Variants in NFIB observed in about 807,000 individuals in gnomAD.
The protein encoded by NFIB is nuclear factor I B, also known as nuclear factor 1 B-type.
NFIB carries 11 observed loss-of-function variants against 61.5 expected under a neutral mutation model. That is an observed-to-expected ratio of 0.18 (90% CI 0.11 to 0.30). The LOEUF (loss-of-function observed/expected upper bound fraction) is 0.30, where lower values mean the gene tolerates loss of function less well. NFIB is among the 10% of genes least tolerant of loss of function. The pLI is 1.00. For synonymous variants in NFIB, 260 were observed against 216.5 expected, an observed-to-expected ratio of 1.20 and a Z score of -1.76; for missense variants, 471 against 608.9, an observed-to-expected ratio of 0.77 and a Z score of 2.38.
rs73645011 is a variant in NFIB, at chr9:14,207,729, A to G, written c.563-27949T>C. Among the ~76,000 whole-genome samples the G allele has an allele frequency of 2.6e-3, 389 of 152,238 alleles. 1 individual carries two copies. The highest frequency in any genetic ancestry group is 3.4e-3 in the Middle Eastern group (1 of 294). On this transcript the variant is annotated intron_variant, in intron 2 of 10. Transcript: ENST00000380953. ...CGTAAATGAGAGTCTAATTTCTCCC[A>G]CGTGTCATTTTTCACATGAATGTTA...
At chr9:14,464,923 A>C in the NFIB span, among the ~76,000 whole-genome samples, 2 of 152,234 alleles carry the variant, frequency 1.3e-5, no homozygotes, top group African/African-American at 4.8e-5. Flanking sequence ...AATGTGACAC[A>C]GTACCTGTCA....
chr9:14,161,256 A>T (rs1165066605), intron 3 of NFIB, among the ~76,000 whole-genome samples: 1 of 152,228 alleles, frequency 6.6e-6, no homozygotes, highest in Non-Finnish European at 1.5e-5. Context: ...AACTGTGATT[A>T]TAAAATAGAA....
At chr9:14,482,283 G>T in the NFIB span, among the ~76,000 whole-genome samples, 1 of 152,052 alleles carries the variant, frequency 6.6e-6, no homozygotes, top group South Asian at 2.1e-4. Flanking sequence ...ACAGTGCCCT[G>T]ACCAAGGGCA....
At chr9:14,426,607 T>C in the NFIB span, among the ~76,000 whole-genome samples, 905 of 152,320 alleles carry the variant, frequency 5.9e-3, 8 homozygotes, top group South Asian at 0.033. Flanking sequence ...TGTAAGTCTT[T>C]ATATTTTTCT....
the NFIB span, among the ~76,000 whole-genome samples, chr9:14,476,369 AGATGATGCCCAACT>A: frequency 2.8e-4 from 43 of 152,206 alleles, no homozygotes; most frequent in East Asian, 7.9e-3. Context: ...TGGGGAGTAC[AGATGATGCCCAACT>A]GAAGCATCTT....
chr9:14,207,512 A>C (rs1204488765), intron 2 of NFIB, among the ~76,000 whole-genome samples: 1 of 152,214 alleles, frequency 6.6e-6, no homozygotes, highest in Non-Finnish European at 1.5e-5. Context: ...CAAATTGAGG[A>C]CTAAGTCAGT....
intron 2 of NFIB, among the ~76,000 whole-genome samples, chr9:14,297,803 A>G (rs1391751574): frequency 6.6e-6 from 1 of 152,236 alleles, no homozygotes; most frequent in East Asian, 1.9e-4. Context: ...TAGGAAAATC[A>G]TGAACTATAA....
intron 10 of NFIB, among the ~76,000 whole-genome samples, chr9:14,112,416 T>A (rs1015938691): frequency 5.3e-5 from 8 of 152,154 alleles, no homozygotes; most frequent in Non-Finnish European, 1.2e-4. Flanking sequence ...ATGTGAAATT[T>A]AAAATGCTAC....
At chr9:14,169,423 T>C (rs1026508241) in intron 3 of NFIB, among the ~76,000 whole-genome samples, 1 of 152,148 alleles carries the variant, frequency 6.6e-6, no homozygotes, top group Non-Finnish European at 1.5e-5. Context: ...AAGAGCAGAA[T>C]GTAAGTCAAA....
At chr9:14,268,063 A>AGGT (rs2057342320) in intron 2 of NFIB, among the ~76,000 whole-genome samples, 2 of 151,096 alleles carry the variant, frequency 1.3e-5, no homozygotes, top group Admixed American at 6.6e-5. Flanking sequence ...TGAACCTGGG[A>AGGT]GGTGGAGGTT....
At chr9:14,360,147 A>G (rs190978660) in intron 1 of NFIB, among the ~76,000 whole-genome samples, 2 of 152,346 alleles carry the variant, frequency 1.3e-5, no homozygotes, top group Admixed American at 6.5e-5. Flanking sequence ...TATAGCAAAC[A>G]GTGAACAACT....
At chr9:14,456,797 C>T in the NFIB span, among the ~76,000 whole-genome samples, 21 of 152,246 alleles carry the variant, frequency 1.4e-4, no homozygotes, top group South Asian at 4.2e-3. Flanking sequence ...GTCAAAAGCA[C>T]CGAAGAACAT....
exon 1 of NFIB, chr9:14,398,646 C>T (rs1264648929): frequency 6.6e-7 from 1 of 1,510,270 alleles, no homozygotes; most frequent in South Asian, 1.2e-5. Context: ...CGAACGGATT[C>T]CCGACAAGAA....
At chr9:14,233,817 T>G (rs2053459585) in intron 2 of NFIB, among the ~76,000 whole-genome samples, 1 of 152,212 alleles carries the variant, frequency 6.6e-6, no homozygotes, top group African/African-American at 2.4e-5. Flanking sequence ...TAACTAGTAG[T>G]CTGAGCTGAA....
At chr9:14,368,545 A>G (rs2061327014) in intron 1 of NFIB, among the ~76,000 whole-genome samples, 1 of 152,214 alleles carries the variant, frequency 6.6e-6, no homozygotes, top group African/African-American at 2.4e-5. Flanking sequence ...AGTGGTACAG[A>G]GTGGCAGCCT....
At chr9:14,432,071 G>A in the NFIB span, among the ~76,000 whole-genome samples, 1,991 of 152,250 alleles carry the variant, frequency 0.013, 32 homozygotes, top group African/African-American at 0.043. Flanking sequence ...TCAAGACAAT[G>A]GAGAGGCTCT....
intron 1 of NFIB, among the ~76,000 whole-genome samples, chr9:14,369,582 A>T (rs538487299): frequency 6.6e-6 from 1 of 152,080 alleles, no homozygotes; most frequent in Admixed American, 6.5e-5. Context: ...CCTTCCCCAC[A>T]CACACCCTCC....
chr9:14,347,048 C>G (rs997270814), intron 1 of NFIB, among the ~76,000 whole-genome samples: 4 of 151,902 alleles, frequency 2.6e-5, no homozygotes, highest in Non-Finnish European at 5.9e-5. Context: ...CCCTGGCCCC[C>G]ACTCGGGAGA....
In NFIB at chr9:14,125,614, A is replaced by G; in HGVS notation, c.1060+18T>C. ...CAGACAAGAAGGAGGCTTCTCCTCT[A>G]TGCTTGAAACTCCTCACCACTGTGT... On this transcript the variant is annotated intron_variant, in intron 7 of 10. Coordinates refer to ENST00000380953, the MANE Select transcript of NFIB (RefSeq NM_001190737.2). 6.2e-7 allele frequency: 1 copy of G among 1,613,718 alleles called. No individual in the cohort carries two copies. Among genetic ancestry groups the G allele is most frequent in the Non-Finnish European group, 8.5e-7 (1 of 1,179,866 alleles).
Sources: allele counts gnomAD v4.1 joint callset (sites outside exome capture counted in the v4.1 genomes callset), GRCh38; gene constraint gnomAD v4.1.1; transcripts MANE v1.5; gene names NCBI Gene and HGNC (gene_info 2026-07-23, HGNC 2026-07-21).